Variants in FLG observed in about 807,000 individuals in gnomAD.
FLG encodes filaggrin, also known as epidermal filaggrin.
In FLG, 6 loss-of-function variants were observed where a neutral mutation model predicts 3.8. The ratio of observed to expected loss-of-function variants is 1.60; its 90% CI spans 0.87 to 3.15. The LOEUF (loss-of-function observed/expected upper bound fraction) is 3.15. Ranked by LOEUF, FLG falls within the 30% of genes most tolerant of loss-of-function variation. FLG has a pLI of 0.00. For missense variants in FLG, 7,595 were observed against 5,050.9 expected (o/e 1.50, Z -15.27); for synonymous variants, 2,551 against 1,931.6 (o/e 1.32, Z -8.41).
rs201023706 is a variant in FLG, at chr1:152,308,808, T to C, written c.6078A>G (p.Gln2026=). The C allele has an allele frequency of 6.2e-7, 1 of 1,614,146 alleles. No homozygotes were observed. Among genetic ancestry groups the C allele is most frequent in the Admixed American group, 1.7e-5 (1 of 60,026 alleles). Residue 2026 remains glutamine (Q), a synonymous_variant, in exon 3 of 3, where the codon CAA becomes CAG. Transcript: ENST00000368799. ...CACTGTCTCTGACTGCAGATGAAGC[T>C]TGTCCATGCCCAATGCCTGAGTGTC... ...SSRHSGIGHG[Q]ASSAVRDSGH...
rs759217139 is a variant in FLG at position 152,311,563 on chromosome 1, C to A, written c.3323G>T (p.Gly1108Val). The change falls in exon 3 of 3, where the codon GGG (glycine) becomes GTG (valine). Residue 1108 changes from glycine to valine, a missense_variant. Physicochemically the swap from Gly to Val is moderately radical, Grantham distance 109. Transcript: ENST00000368799. ...AGACCCTGAACGTCCAGACCTTCCC[C>A]CTGACCAGTCACGTGCGGACTCTTG... ...SHQESARDWSGGRSGRSGSFI... is the reference protein window; with the variant it reads ...SHQESARDWSVGRSGRSGSFI... The A allele has an allele frequency of 6.2e-7, 1 of 1,613,980 alleles. No homozygotes were observed. The highest frequency in any genetic ancestry group is 1.1e-5 in the South Asian group (1 of 91,050).
In FLG at chr1:152,308,369, A is replaced by T; in HGVS notation, c.6517T>A (p.Ser2173Thr). 1 of 1,613,000 alleles carries T rather than the reference A, an allele frequency of 6.2e-7. No individual in the cohort carries two copies. Among genetic ancestry groups the T allele is most frequent in the South Asian group, 1.1e-5 (1 of 91,032 alleles). Residue 2173 changes from serine (S) to threonine (T), a missense_variant, in exon 3 of 3, where the codon TCC becomes ACC. Transcript: ENST00000368799. ...CGGGAGGCATCAGACCTTCCCTGGG[A>T]TGTGGTGTGGCTGTGATGAGACCCT... ...HSGSHHSHTT[S>T]QGRSDASRGQ... is the part of the protein sequence containing the mutation.
In FLG at chr1:152,303,209, C is replaced by A. The variant is rs770855196; in HGVS notation, c.11677G>T (p.Glu3893Ter). 1 of 1,614,072 alleles carries A rather than the reference C, an allele frequency of 6.2e-7. No homozygotes were observed. ...TGTCTGGAGCCATCTCTTGACTGCT[C>A]CCGAGAAGATCCATGATGGTTTCTG... ...ASRNHHGSSR[E>*]QSRDGSRHPG... Residue 3893 changes from glutamate to a stop codon, truncating the protein, a stop_gained, in exon 3 of 3, where the codon GAG (glutamate) becomes TAG (stop). Transcript: ENST00000368799. LOFTEE classifies it low-confidence loss of function (END_TRUNC).
Position 152,308,827 on chromosome 1 carries a change from G to T in FLG, c.6059C>A (p.Ser2020Ter). 1 of 1,614,202 alleles carries T rather than the reference G, an allele frequency of 6.2e-7. No homozygotes were observed. The highest frequency in any genetic ancestry group is 8.5e-7 in the Non-Finnish European group (1 of 1,180,030). ...TGAAGCTTGTCCATGCCCAATGCCT[G>T]AGTGTCTGGAGCTGTCTGCTGACTG... is the stretch of plus-strand genomic sequence containing the variant. ...QLQSADSSRH[S>*]GIGHGQASSA... Residue 2020 changes from serine (S) to a stop codon, truncating the protein, a stop_gained, in exon 3 of 3, where the codon TCA (serine) becomes TAA (stop). Transcript: ENST00000368799. LOFTEE classifies it low-confidence loss of function (END_TRUNC).
rs201980178 is a variant in FLG, at chr1:152,314,206, C to A, written c.680G>T (p.Trp227Leu). The change falls in exon 3 of 3, where the codon TGG becomes TTG. Residue 227 changes from tryptophan to leucine, a missense_variant. Physicochemically the swap from Trp to Leu is moderately conservative, Grantham distance 61 (BLOSUM62 -2). Transcript: ENST00000368799. The stretch of plus-strand genomic sequence containing the variant: ...TGTGGCAATATGGCCTGATTGTATC[C>A]ATTTTTGAGTCATTCTTCCTGTATT... ...YENTGRMTQK[W>L]IQSGHIATYY... 14 of 1,613,870 alleles carry A rather than the reference C, an allele frequency of 8.7e-6. No homozygotes were observed. The East Asian group carries it at 2.9e-4, about 33-fold the overall frequency.
Position 152,308,795 on chromosome 1 carries a change from C to A in FLG, c.6091G>T (p.Val2031Phe). 1 of 1,614,204 alleles carries A rather than the reference C, an allele frequency of 6.2e-7. No homozygotes were observed. Reference protein sequence around the residue: ...GIGHGQASSAVRDSGHRGYSG... With the variant: ...GIGHGQASSAFRDSGHRGYSG... Reference sequence around the variant, plus strand: ...TACCCTCGGTGTCCACTGTCTCTGACTGCAGATGAAGCTTGTCCATGCCCA... The same window carrying A: ...TACCCTCGGTGTCCACTGTCTCTGAATGCAGATGAAGCTTGTCCATGCCCA... Residue 2031 changes from valine to phenylalanine, a missense_variant, in exon 3 of 3, where the codon GTC (valine) becomes TTC (phenylalanine). Coordinates refer to ENST00000368799, the MANE Select transcript of FLG (RefSeq NM_002016.2).
Position 152,311,911 on chromosome 1 carries a change from C to G in FLG, c.2975G>C (p.Arg992Thr), listed in dbSNP as rs753330086. 3.1e-6 allele frequency: 5 copies of G among 1,614,092 alleles called. No homozygotes were observed. In the South Asian group the frequency reaches 3.3e-5, roughly 11 times the overall value. ...GTCTGCAGAGTGCCCGTGACCGGCT[C>G]TGTCTTCGTGATGGGACCTGGGGTG... ...SRHPRSHHED[R>T]AGHGHSADSS... Residue 992 changes from arginine to threonine, a missense_variant, in exon 3 of 3, where the codon AGA becomes ACA. Arg to Thr is a moderately conservative substitution (Grantham distance 71). Coordinates refer to ENST00000368799, the MANE Select transcript of FLG (RefSeq NM_002016.2).
chr1:152,302,650 A>T lies in FLG; in HGVS notation c.*50T>A. 6.2e-7 allele frequency: 1 copy of T among 1,604,956 alleles called. No individual in the cohort carries two copies. The highest frequency in any genetic ancestry group is 8.5e-7 in the Non-Finnish European group (1 of 1,175,774). On this transcript the variant is annotated 3_prime_UTR_variant, in exon 3 of 3. Transcript: ENST00000368799. ...TTATGAAGTTTCTTGATTGAAAGTG[A>T]ACTTGCTTCATTCTTCTATTCTTGG...
At position 152,312,869 on chromosome 1, in the gene FLG, A is replaced by T. The variant is rs1210153247; in HGVS notation, c.2017T>A (p.Ser673Thr). The change falls in exon 3 of 3, where the codon TCT becomes ACT. Residue 673 changes from serine to threonine, a missense_variant. Transcript: ENST00000368799. ...CCTGATTTTCTGGAGCTGTCTGCAGAGTGCCCATGACCAGCTCTGTCTTCG... is the reference window on the plus strand; with the variant it reads ...CCTGATTTTCTGGAGCTGTCTGCAGTGTGCCCATGACCAGCTCTGTCTTCG... ...HHEDRAGHGH[S>T]ADSSRKSGTR... 3.7e-6 allele frequency: 6 copies of T among 1,613,972 alleles called. No individual in the cohort carries two copies. Among genetic ancestry groups the T allele is most frequent in the Non-Finnish European group, 5.1e-6 (6 of 1,179,994 alleles).
At chr1:152,323,096 A>T (rs1653030752) in intron 1 of FLG, among the ~76,000 whole-genome samples, 3 of 151,622 alleles carry the variant, frequency 2.0e-5, no homozygotes. Context: ...ATGGTAGTGT[A>T]GGTCAGTAGA....
At chr1:152,324,404 C>T (rs963428085) in intron 1 of FLG, among the ~76,000 whole-genome samples, 9 of 151,942 alleles carry the variant, frequency 5.9e-5, no homozygotes, top group African/African-American at 2.2e-4. Flanking sequence ...TGCTCTAAGG[C>T]ACACTAGCTT....
At position 152,308,441 on chromosome 1, in the gene FLG, TTCC is replaced by T; in HGVS notation, c.6442_6444del (p.Gly2148del). ...GATTGCTCTTGGTGGGACCCCTGTC[TTCC>T]TCCTCTGCTTGGCCCCGGGTGTCCA... is the stretch of plus-strand genomic sequence containing the variant. On this transcript the variant is annotated inframe_deletion, in exon 3 of 3. Coordinates refer to ENST00000368799, the MANE Select transcript of FLG (RefSeq NM_002016.2). 11 of 1,613,778 alleles carry T rather than the reference TTCC, an allele frequency of 6.8e-6. No homozygotes were observed. Among genetic ancestry groups the T allele is most frequent in the Non-Finnish European group, 9.3e-6 (11 of 1,179,832 alleles).
At position 152,303,069 on chromosome 1, in the gene FLG, C is replaced by G. The variant is rs751206287; in HGVS notation, c.11817G>C (p.Ala3939=). 4.3e-6 allele frequency: 7 copies of G among 1,614,130 alleles called. No individual in the cohort carries two copies. The highest frequency in any genetic ancestry group is 3.4e-6 in the Non-Finnish European group (4 of 1,180,030). Residue 3939 remains alanine, a synonymous_variant, in exon 3 of 3, where the codon GCG becomes GCC. Coordinates refer to ENST00000368799, the MANE Select transcript of FLG (RefSeq NM_002016.2). ...GHFSSLSQDS[A]YHSGIQSRGS... ...CACGTGACTGTATTCCTGAGTGATA[C>G]GCAGAATCTTGTGAAAGACTACTAA...
At chr1:152,316,984 C>A (rs949521156) in intron 1 of FLG, among the ~76,000 whole-genome samples, 3 of 152,082 alleles carry the variant, frequency 2.0e-5, no homozygotes, top group African/African-American at 7.2e-5. Context: ...TTTCCTCATT[C>A]TCCTAATATC....
In FLG at chr1:152,312,888, G is replaced by C; in HGVS notation, c.1998C>G (p.Asp666Glu). Reference protein sequence around the residue: ...GSRHPRSHHEDRAGHGHSADS... With the variant: ...GSRHPRSHHEERAGHGHSADS... The stretch of plus-strand genomic sequence containing the variant: ...CTGCAGAGTGCCCATGACCAGCTCT[G>C]TCTTCGTGATGGGACCTGGGGTGTC... The change falls in exon 3 of 3, where the codon GAC (aspartate) becomes GAG (glutamate). Residue 666 changes from aspartate to glutamate, a missense_variant. Physicochemically the swap from Asp to Glu is conservative, Grantham distance 45 (BLOSUM62 2). Transcript: ENST00000368799. 1 of 1,614,026 alleles carries C rather than the reference G, an allele frequency of 6.2e-7. No homozygotes were observed. The highest frequency in any genetic ancestry group is 8.5e-7 in the Non-Finnish European group (1 of 1,180,018).
Position 152,311,229 on chromosome 1 carries a change from T to G in FLG, c.3657A>C (p.Gln1219His), listed in dbSNP as rs775098895. ...CTCCTGATTGTTTGTCCTTACGAGT[T>G]TGTCTGCTTGCACTTCTGGATCCTG... is the stretch of plus-strand genomic sequence containing the variant. ...GQSGSRSASRQTRKDKQSGDG... is the reference protein window; with the variant it reads ...GQSGSRSASRHTRKDKQSGDG... Residue 1219 changes from glutamine (Q) to histidine (H), a missense_variant, in exon 3 of 3, where the codon CAA becomes CAC. Coordinates refer to ENST00000368799, the MANE Select transcript of FLG (RefSeq NM_002016.2). 2 of 1,613,742 alleles carry G rather than the reference T, an allele frequency of 1.2e-6. No individual in the cohort carries two copies. Among genetic ancestry groups the G allele is most frequent in the Non-Finnish European group, 1.7e-6 (2 of 1,179,918 alleles).
chr1:152,317,397 A>T (rs563559924), intron 1 of FLG, among the ~76,000 whole-genome samples: 1 of 152,178 alleles, frequency 6.6e-6, no homozygotes, highest in South Asian at 2.1e-4. Context: ...CTTTCTAAAA[A>T]ATGTATTAAA....
At chr1:152,323,676 GA>G (rs1414918499) in intron 1 of FLG, among the ~76,000 whole-genome samples, 1 of 149,758 alleles carries the variant, frequency 6.7e-6, no homozygotes, top group Admixed American at 6.6e-5. Flanking sequence ...GGAGAATTGA[GA>G]TTTTTTTTTT....
In FLG at chr1:152,309,674, C is replaced by A. The variant is rs376237195; in HGVS notation, c.5212G>T (p.Gly1738Ter). 1.2e-6 allele frequency: 2 copies of A among 1,613,938 alleles called. No homozygotes were observed. Among genetic ancestry groups the A allele is most frequent in the Non-Finnish European group, 1.7e-6 (2 of 1,179,982 alleles). The change falls in exon 3 of 3, where the codon GGA becomes TGA. Residue 1738 changes from glycine to a stop codon, truncating the protein, a stop_gained. Transcript: ENST00000368799. LOFTEE classifies it low-confidence loss of function (END_TRUNC). ...ESDTQSVSAH[G>*]QAGPHQQSHQ... The stretch of plus-strand genomic sequence containing the variant: ...CTCTGCTGATGGGGCCCAGCCTGTC[C>A]GTGGGCTGACACTGACTGTGTGTCT...
Sources: allele counts gnomAD v4.1 joint callset (sites outside exome capture counted in the v4.1 genomes callset), GRCh38; gene constraint gnomAD v4.1.1; transcripts MANE v1.5; gene names NCBI Gene and HGNC (gene_info 2026-07-23, HGNC 2026-07-21).